Variants in ATP13A3 observed in about 807,000 individuals in gnomAD.
The protein encoded by ATP13A3 is polyamine-transporting ATPase 13A3.
ATP13A3 carries 59 observed loss-of-function variants against 158.1 expected under a neutral mutation model. That is an observed-to-expected ratio of 0.37 (90% CI 0.30 to 0.46). The LOEUF (loss-of-function observed/expected upper bound fraction) is 0.46. Among genes scored for constraint, ATP13A3 ranks in the 20% least tolerant of loss-of-function variants. The pLI is 1.00. For missense variants in ATP13A3, 1,166 were observed against 1,525.2 expected (o/e 0.76, Z 3.92); for synonymous variants, 491 against 504.3 (o/e 0.97, Z 0.35).
intron 33 of ATP13A3, among the ~76,000 whole-genome samples, chr3:194,411,806 A>G (rs2108727643): frequency 6.6e-6 from 1 of 152,358 alleles, no homozygotes; most frequent in East Asian, 1.9e-4. Context: ...TTTCATTGCA[A>G]ACTTTGTTTA....
At chr3:194,409,439 A>G (rs777588859) in intron 33 of ATP13A3, among the ~76,000 whole-genome samples, 2 of 152,178 alleles carry the variant, frequency 1.3e-5, no homozygotes, top group Non-Finnish European at 2.9e-5. Flanking sequence ...ATTGGGCACA[A>G]ATCCTCAGGC....
At chr3:194,449,641 C>A (rs189967159) in intron 11 of ATP13A3, among the ~76,000 whole-genome samples, 1 of 151,720 alleles carries the variant, frequency 6.6e-6, no homozygotes, top group Non-Finnish European at 1.5e-5. Flanking sequence ...CGCACCACTG[C>A]TCTCCATCCT....
intron 2 of ATP13A3, among the ~76,000 whole-genome samples, chr3:194,476,766 G>GTTTTT (rs367780103): frequency 0.045 from 5,843 of 128,552 alleles, 255 homozygotes; most frequent in East Asian, 0.11. Context: ...GTAAGTTGTT[G>GTTTTT]TTTTTTTTTT....
chr3:194,427,367 T>C (rs896562268), intron 28 of ATP13A3, 115 bp from the exon 29 acceptor site: 13 of 924,866 alleles, frequency 1.4e-5, no homozygotes, highest in Non-Finnish European at 1.9e-5. Flanking sequence ...AACAATTCTT[T>C]AATACAAAAA....
At chr3:194,434,160 A>G (rs1254914470) in intron 20 of ATP13A3, among the ~76,000 whole-genome samples, 1 of 152,242 alleles carries the variant, frequency 6.6e-6, no homozygotes, top group Non-Finnish European at 1.5e-5. Context: ...TTTGTGTAGT[A>G]TCCAAAAATA....
intron 2 of ATP13A3, among the ~76,000 whole-genome samples, chr3:194,479,776 C>T (rs1720676876): frequency 6.6e-6 from 1 of 151,500 alleles, no homozygotes; most frequent in African/African-American, 2.4e-5. Context: ...AAAATAAATA[C>T]AATTACAGAT....
upstream of ATP13A3, among the ~76,000 whole-genome samples, chr3:194,489,139 A>G (rs1210520595): frequency 6.6e-6 from 1 of 152,210 alleles, no homozygotes; most frequent in African/African-American, 2.4e-5. The surrounding 1 kb of genome is among the most constrained non-coding windows in gnomAD (Gnocchi z 4.1). Context: ...TCACCTCCTT[A>G]ATAAGCCTCA....
chr3:194,429,906 C>T, intron 26 of ATP13A3, 132 bp from the exon 27 acceptor site: 2 of 997,966 alleles, frequency 2.0e-6, no homozygotes, highest in South Asian at 1.6e-5. Context: ...ACCAAAAGAA[C>T]TAAACCAAAT....
At chr3:194,484,229 CCTTAA>C (rs145270820) in intron 2 of ATP13A3, among the ~76,000 whole-genome samples, 43 of 151,926 alleles carry the variant, frequency 2.8e-4, no homozygotes, top group South Asian at 1.5e-3. Context: ...ACTGTAAGCT[CCTTAA>C]CTTCTTTAAT....
chr3:194,484,959 C>G (rs535808291), intron 2 of ATP13A3, among the ~76,000 whole-genome samples: 1 of 151,074 alleles, frequency 6.6e-6, no homozygotes, highest in Non-Finnish European at 1.5e-5. Context: ...TAGGAGGCTG[C>G]GACAGGAGAA....
At position 194,446,924 on chromosome 3, in the gene ATP13A3, C is replaced by T. The variant is rs1718446542; in HGVS notation, c.1497+3G>A. The T allele has an allele frequency of 1.3e-6, 2 of 1,598,872 alleles. No homozygotes were observed. The highest frequency in any genetic ancestry group is 2.2e-5 in the East Asian group (1 of 44,538). ...TTGAAAGTAACTATGAAACTGAACC[C>T]ACCTTGTCAAAGCAAACAAGATTGA... On this transcript the variant is annotated splice_donor_region_variant and intron_variant, in intron 14 of 33. Coordinates refer to ENST00000645319, the MANE Select transcript of ATP13A3 (RefSeq NM_001367549.1).
chr3:194,481,681 C>A (rs1251350832), intron 2 of ATP13A3, among the ~76,000 whole-genome samples: 1 of 152,212 alleles, frequency 6.6e-6, no homozygotes, highest in Non-Finnish European at 1.5e-5. Context: ...TACCACCCAA[C>A]ATCAGTTACA....
upstream of ATP13A3, among the ~76,000 whole-genome samples, chr3:194,489,894 G>A (rs976726128): frequency 2.6e-5 from 4 of 152,136 alleles, no homozygotes; most frequent in Non-Finnish European, 1.5e-5. This position sits in a 1 kb window ranked among gnomAD's most constrained non-coding sequence, Gnocchi z 4.1. Context: ...CAAGATAGGC[G>A]AGAGAAAGGG....
intron 30 of ATP13A3, among the ~76,000 whole-genome samples, chr3:194,421,223 C>T (rs1716342526): frequency 1.0e-5 from 1 of 97,222 alleles, no homozygotes; most frequent in South Asian, 3.7e-4. Context: ...AAGGTGGAGA[C>T]ATATTTTTTA....
At chr3:194,460,394 G>A (rs537230002) in intron 4 of ATP13A3, among the ~76,000 whole-genome samples, 3 of 152,142 alleles carry the variant, frequency 2.0e-5, no homozygotes, top group Admixed American at 6.5e-5. Context: ...GACCAGCACC[G>A]TAACAGACAA....
chr3:194,492,516 A>G (rs537770010), intron 2 of ATP13A3, among the ~76,000 whole-genome samples: 11 of 149,970 alleles, frequency 7.3e-5, no homozygotes, highest in African/African-American at 2.7e-4. Context: ...GTACAATGGC[A>G]TGATCTTGGC....
At chr3:194,411,820 A>C (rs1260110671) in intron 33 of ATP13A3, among the ~76,000 whole-genome samples, 2 of 152,234 alleles carry the variant, frequency 1.3e-5, no homozygotes, top group African/African-American at 4.8e-5. Flanking sequence ...TTGTTTATAT[A>C]AATCTCATTT....
At chr3:194,465,526 A>G (rs928327730) in intron 2 of ATP13A3, among the ~76,000 whole-genome samples, 1 of 152,136 alleles carries the variant, frequency 6.6e-6, no homozygotes, top group Non-Finnish European at 1.5e-5. Flanking sequence ...ACCAACCACA[A>G]TGGAAAACCC....
At chr3:194,423,523 G>A (rs981400859) in intron 30 of ATP13A3, among the ~76,000 whole-genome samples, 8 of 152,186 alleles carry the variant, frequency 5.3e-5, no homozygotes, top group African/African-American at 1.7e-4. Flanking sequence ...CAGAATGCCT[G>A]CATCAACTGC....
Sources: allele counts gnomAD v4.1 joint callset (sites outside exome capture counted in the v4.1 genomes callset), GRCh38; gene constraint gnomAD v4.1.1; non-coding constraint Gnocchi (gnomAD v3.1); transcripts MANE v1.5; gene names NCBI Gene and HGNC (gene_info 2026-07-23, HGNC 2026-07-21).